DSCAML1: variants seen among roughly 807,000 people sequenced by gnomAD.
DSCAML1 encodes cell adhesion molecule DSCAML1.
In DSCAML1, 38 loss-of-function variants were observed where a neutral mutation model predicts 200.5. The observed-to-expected ratio is 0.19, with a 90% CI of 0.15 to 0.25. The LOEUF (loss-of-function observed/expected upper bound fraction) is 0.25, where lower values mean the gene tolerates loss of function less well. DSCAML1 is among the 10% of genes least tolerant of loss of function. The pLI, the probability that DSCAML1 is intolerant of heterozygous loss-of-function variation, is 1.00. For missense variants in DSCAML1, 2,223 were observed against 2,858.8 expected, an observed-to-expected ratio of 0.78 and a Z score of 5.07; for synonymous variants, 1,215 against 1,165.0, an observed-to-expected ratio of 1.04 and a Z score of -0.87.
Position 117,431,695 on chromosome 11 carries a change from T to C in DSCAML1, c.5213A>G (p.His1738Arg). 6.2e-7 allele frequency: 1 copy of C among 1,600,932 alleles called. No individual in the cohort carries two copies. Among genetic ancestry groups the C allele is most frequent in the Non-Finnish European group, 8.5e-7 (1 of 1,172,484 alleles). The change falls in exon 31 of 33, where the codon CAC becomes CGC. Residue 1738 changes from histidine to arginine, a missense_variant. By Grantham distance (29) the His-to-Arg change is conservative. Coordinates refer to ENST00000651296, the MANE Select transcript of DSCAML1 (RefSeq NM_020693.4). Reference sequence around the variant, plus strand: ...GCTTGAGTACCGGTTCCGGGTGCTGTGGGCTGACTTCACATTCTTCCTGGA... The same window carrying C: ...GCTTGAGTACCGGTTCCGGGTGCTGCGGGCTGACTTCACATTCTTCCTGGA... ...PVSRKNVKSA[H>R]STRNRYSSQW... is the part of the protein sequence containing the mutation.
At chr11:117,639,541 G>C (rs1428681204) in intron 3 of DSCAML1, among the ~76,000 whole-genome samples, 1 of 151,962 alleles carries the variant, frequency 6.6e-6, no homozygotes, top group African/African-American at 2.4e-5. Context: ...AAAGTCTTTG[G>C]CTCTGCCTTC....
At chr11:117,609,633 A>T (rs1344897644) in intron 3 of DSCAML1, among the ~76,000 whole-genome samples, 1 of 151,980 alleles carries the variant, frequency 6.6e-6, no homozygotes, top group Non-Finnish European at 1.5e-5. Context: ...CTATATTCTT[A>T]TCAACTCTTT....
At chr11:117,502,211 C>T (rs1203851387) in intron 11 of DSCAML1, among the ~76,000 whole-genome samples, 1 of 152,206 alleles carries the variant, frequency 6.6e-6, no homozygotes, top group African/African-American at 2.4e-5. Flanking sequence ...CCCTCACACA[C>T]AGCCCAGCTC....
chr11:117,634,548 G>A (rs1225349751), intron 3 of DSCAML1, among the ~76,000 whole-genome samples: 1 of 152,190 alleles, frequency 6.6e-6, no homozygotes, highest in African/African-American at 2.4e-5. Flanking sequence ...TTTAATTCCA[G>A]TTGCTCAGGG....
At chr11:117,461,981 C>G (rs887434662) in intron 17 of DSCAML1, among the ~76,000 whole-genome samples, 2 of 152,190 alleles carry the variant, frequency 1.3e-5, no homozygotes, top group Admixed American at 1.3e-4. Flanking sequence ...GGAAGGCCAC[C>G]AAGCCAGCCC....
At chr11:117,814,501 C>T (rs976602924) in intron 1 of DSCAML1, among the ~76,000 whole-genome samples, 1 of 152,230 alleles carries the variant, frequency 6.6e-6, no homozygotes, top group Non-Finnish European at 1.5e-5. Context: ...GGAGCAGGGA[C>T]AGGGGTGGTC....
chr11:117,707,773 T>C (rs930683821), intron 3 of DSCAML1, among the ~76,000 whole-genome samples: 2 of 152,226 alleles, frequency 1.3e-5, no homozygotes, highest in Admixed American at 6.5e-5. Flanking sequence ...CACCTCGTGA[T>C]CCACCGGCCT....
chr11:117,494,608 A>G (rs1187800288), intron 11 of DSCAML1, among the ~76,000 whole-genome samples: 1 of 152,184 alleles, frequency 6.6e-6, no homozygotes, highest in African/African-American at 2.4e-5. Flanking sequence ...TGTGTCCCCA[A>G]AAGATATGTT....
chr11:117,579,373 C>T (rs1040418232), intron 3 of DSCAML1, among the ~76,000 whole-genome samples: 3 of 152,186 alleles, frequency 2.0e-5, no homozygotes, highest in Non-Finnish European at 4.4e-5. Context: ...CTTGTTGATG[C>T]CACTCTGGGT....
intron 8 of DSCAML1, among the ~76,000 whole-genome samples, chr11:117,515,610 CTTTTTTTT>C (rs56765238): frequency 2.3e-4 from 15 of 65,142 alleles, no homozygotes; most frequent in African/African-American, 1.1e-3. Flanking sequence ...AGGGACGAAG[CTTTTTTTT>C]TTTTTTTTTT....
chr11:117,713,295 C>A (rs2137774494), intron 3 of DSCAML1, among the ~76,000 whole-genome samples: 1 of 152,112 alleles, frequency 6.6e-6, no homozygotes, highest in East Asian at 1.9e-4. Context: ...TTTGTATTTT[C>A]AGTAGAGACA....
At chr11:117,795,577 C>A (rs957108690) in intron 1 of DSCAML1, among the ~76,000 whole-genome samples, 5 of 152,168 alleles carry the variant, frequency 3.3e-5, no homozygotes, top group South Asian at 4.2e-4. Context: ...CCGGGGGACC[C>A]CACTGGGCCT....
At chr11:117,772,094 G>T (rs1430988626) in intron 3 of DSCAML1, among the ~76,000 whole-genome samples, 1 of 152,134 alleles carries the variant, frequency 6.6e-6, no homozygotes, top group African/African-American at 2.4e-5. Flanking sequence ...AGGGCATGTG[G>T]ACGAAGTGTA....
At chr11:117,709,028 C>G (rs1483162312) in intron 3 of DSCAML1, among the ~76,000 whole-genome samples, 1 of 152,232 alleles carries the variant, frequency 6.6e-6, no homozygotes, top group Admixed American at 6.5e-5. Flanking sequence ...GTTTCCTCAT[C>G]TGTGAAGTGG....
At chr11:117,718,100 G>A (rs1266671655) in intron 3 of DSCAML1, among the ~76,000 whole-genome samples, 1 of 152,244 alleles carries the variant, frequency 6.6e-6, no homozygotes, top group Admixed American at 6.5e-5. Flanking sequence ...CACGTCCGTG[G>A]CAGGCGGAGC....
intron 21 of DSCAML1, among the ~76,000 whole-genome samples, chr11:117,440,499 A>C (rs1452987478): frequency 6.6e-6 from 1 of 152,134 alleles, no homozygotes; most frequent in African/African-American, 2.4e-5. Context: ...GTTTGCAAAT[A>C]CTCTGGGGTA....
At chr11:117,431,808 C>T (rs2047803320) in intron 30 of DSCAML1, 80 bp from the exon 31 acceptor site, 2 of 1,378,544 alleles carry the variant, frequency 1.5e-6, no homozygotes, top group African/African-American at 1.5e-5. Flanking sequence ...CCAGAAAGGG[C>T]AGGGGGGAGC....
At position 117,469,244 on chromosome 11, in the gene DSCAML1, G is replaced by T. The variant is rs1407235816; in HGVS notation, c.3024+666C>A. Among the ~76,000 whole-genome samples, 1 of 152,184 alleles carries T rather than the reference G, an allele frequency of 6.6e-6. No homozygotes were observed. Among genetic ancestry groups the T allele is most frequent in the African/African-American group, 2.4e-5 (1 of 41,444 alleles). On this transcript the variant is annotated intron_variant, in intron 16 of 32. Transcript: ENST00000651296. The surrounding 1 kb of genome is among the most constrained non-coding windows in gnomAD (Gnocchi z 4.1). Reference sequence around the variant, plus strand: ...AAGAGAAAGCACTTGGAGACTGGAGGATGCAGTGAGACAGGAAGCCCCTGG... The same window carrying T: ...AAGAGAAAGCACTTGGAGACTGGAGTATGCAGTGAGACAGGAAGCCCCTGG...
chr11:117,472,171 C>T, intron 14 of DSCAML1, 135 bp from the exon 15 acceptor site: 1 of 915,870 alleles, frequency 1.1e-6, no homozygotes, highest in Non-Finnish European at 1.7e-6. Context: ...AGAGAGGGCA[C>T]AGGCCTGAAC....
Sources: allele counts gnomAD v4.1 joint callset (sites outside exome capture counted in the v4.1 genomes callset), GRCh38; gene constraint gnomAD v4.1.1; non-coding constraint Gnocchi (gnomAD v3.1); transcripts MANE v1.5; gene names NCBI Gene and HGNC (gene_info 2026-07-23, HGNC 2026-07-21).